TMEM50B: variants seen among roughly 807,000 people sequenced by gnomAD.
TMEM50B encodes the protein transmembrane protein 50B, also known as HCV p7-trans-regulated protein 3.
A neutral mutation model predicts 23.4 loss-of-function variants in TMEM50B; 14 were observed. The ratio of observed to expected loss-of-function variants is 0.60; its 90% CI spans 0.39 to 0.93. TMEM50B has a LOEUF of 0.93. TMEM50B is among the 40% of genes least tolerant of loss of function. The pLI, the probability that TMEM50B is intolerant of heterozygous loss-of-function variation, is 0.00. For synonymous variants in TMEM50B, 64 were observed against 62.3 expected (o/e 1.03, Z -0.13); for missense variants, 159 against 193.0 (o/e 0.82, Z 1.04).
chr21:33,436,747 TAAAAAC>T (rs2083957705), intron 8 of TMEM50B: 6 of 1,136,642 alleles, frequency 5.3e-6, no homozygotes, highest in African/African-American at 3.3e-5. Flanking sequence ...AAAAATAAAA[TAAAAAC>T]AAAAACTAAA....
chr21:33,475,554 G>T lies in TMEM50B; in HGVS notation c.-42+4284C>A, dbSNP rs962419422. On this transcript the variant is annotated intron_variant, in intron 1 of 6. Transcript: ENST00000542230. ...GTAGAGACAGGGTTTCACCATCTTG[G>T]CCAGGCTGGTCTTGAACTCCTGACC... 2.0e-5 allele frequency among the ~76,000 whole-genome samples: 3 copies of T among 152,052 alleles called. No individual in the cohort carries two copies. In the East Asian group the frequency reaches 5.9e-4, roughly 30 times the overall value.
At chr21:33,448,146 ACCACG>A (rs1381188701), downstream of TMEM50B, among the ~76,000 whole-genome samples, 1 of 151,802 alleles carries the variant, frequency 6.6e-6, no homozygotes, top group Non-Finnish European at 1.5e-5. Context: ...GGGGTGCACC[ACCACG>A]CCTGGCTAAT....
At chr21:33,440,298 A>AGAAG (rs1222653310) in intron 7 of TMEM50B, among the ~76,000 whole-genome samples, 1 of 152,118 alleles carries the variant, frequency 6.6e-6, no homozygotes, top group Non-Finnish European at 1.5e-5. Flanking sequence ...ATTAGAACCC[A>AGAAG]GAAGGTAAGC....
At chr21:33,465,241 A>G in intron 4 of TMEM50B, 101 bp downstream of exon 4, 1 of 745,592 alleles carries the variant, frequency 1.3e-6, no homozygotes, top group South Asian at 1.9e-5. Context: ...TATTCTATAT[A>G]ATCATTACCA....
chr21:33,460,609 A>C, intron 4 of TMEM50B, 104 bp from the exon 5 acceptor site: 2 of 494,442 alleles, frequency 4.0e-6, no homozygotes, highest in Non-Finnish European at 3.6e-6. Context: ...TATATTATGC[A>C]TATCAAAGAT....
chr21:33,467,466 G>GTACAAAAAT (rs1437851106), intron 2 of TMEM50B, among the ~76,000 whole-genome samples: 1 of 152,116 alleles, frequency 6.6e-6, no homozygotes, highest in Non-Finnish European at 1.5e-5. Context: ...TCTACTAAAA[G>GTACAAAAAT]TACAAAAATT....
At chr21:33,474,371 T>C (rs2084346765) in intron 1 of TMEM50B, among the ~76,000 whole-genome samples, 1 of 151,874 alleles carries the variant, frequency 6.6e-6, no homozygotes, top group Admixed American at 6.6e-5. Flanking sequence ...AAAATAATGG[T>C]ACTTCCAGGT....
chr21:33,441,249 TG>T (rs373210753), intron 7 of TMEM50B, among the ~76,000 whole-genome samples: 181 of 152,008 alleles, frequency 1.2e-3, no homozygotes, highest in Middle Eastern at 3.4e-3. Flanking sequence ...AAGGACTTCT[TG>T]GTACATAACA....
Position 33,468,958 on chromosome 21 carries a change from T to G in TMEM50B, c.-41-32A>C, listed in dbSNP as rs2084288660. 5 of 1,180,516 alleles carry G rather than the reference T, an allele frequency of 4.2e-6. No individual in the cohort carries two copies. The South Asian group carries it at 6.6e-5, about 15-fold the overall frequency. 73.1% of individuals were successfully genotyped at this position (1,180,516 alleles called of 1,614,324 possible). ...ACAGAAAGACAAAAACTAATCAACCTAAGAAAATGTTTTCTAAAAGTAAAA... is the reference window on the plus strand; with the variant it reads ...ACAGAAAGACAAAAACTAATCAACCGAAGAAAATGTTTTCTAAAAGTAAAA... On this transcript the variant is annotated intron_variant, in intron 1 of 6. Transcript: ENST00000542230.
chr21:33,456,714 T>C (rs544619931), intron 5 of TMEM50B, among the ~76,000 whole-genome samples: 1 of 152,252 alleles, frequency 6.6e-6, no homozygotes, highest in Non-Finnish European at 1.5e-5. Flanking sequence ...GCAAATTATT[T>C]AACCTCAGCA....
At chr21:33,457,014 G>C (rs143358097) in intron 5 of TMEM50B, among the ~76,000 whole-genome samples, 1,684 of 152,260 alleles carry the variant, frequency 0.011, 32 homozygotes, top group African/African-American at 0.038. Context: ...CAGCACTTTG[G>C]GGGGCCGAGG....
intron 2 of TMEM50B, among the ~76,000 whole-genome samples, chr21:33,467,691 T>C (rs1436306880): frequency 6.6e-6 from 1 of 152,142 alleles, no homozygotes; most frequent in Non-Finnish European, 1.5e-5. Flanking sequence ...TCCTAGCTAC[T>C]TGGGAGGCTG....
chr21:33,454,704 T>C (rs1467498651), intron 6 of TMEM50B, among the ~76,000 whole-genome samples: 2 of 151,824 alleles, frequency 1.3e-5, no homozygotes, highest in Non-Finnish European at 2.9e-5. Flanking sequence ...AGTGAAACAA[T>C]GGGTCTGATA....
intron 4 of TMEM50B, 166 bp downstream of exon 4, chr21:33,465,172 AACTT>A: frequency 2.0e-6 from 1 of 507,324 alleles, no homozygotes. Context: ...TTCTAGCAAT[AACTT>A]ACTTTCTTAA....
intron 5 of TMEM50B, among the ~76,000 whole-genome samples, chr21:33,457,619 C>G (rs2084181556): frequency 6.7e-6 from 1 of 148,364 alleles, no homozygotes. Context: ...CCATTGCACT[C>G]CAGCCTGGGC....
chr21:33,446,679 C>CAAAAAAAAAAAAAAAAAAA (rs1409384682), downstream of TMEM50B, among the ~76,000 whole-genome samples: 4 of 102,362 alleles, frequency 3.9e-5, no homozygotes, highest in Non-Finnish European at 5.7e-5. Context: ...AAAAAAAAAA[C>CAAAAAAAAAAAAAAAAAAA]CTCTAAGAAA....
intron 7 of TMEM50B, among the ~76,000 whole-genome samples, chr21:33,444,043 G>C (rs1013935887): frequency 1.3e-5 from 2 of 152,084 alleles, no homozygotes; most frequent in Non-Finnish European, 1.5e-5. Context: ...TGGGATTATA[G>C]GCACCTGCCA....
chr21:33,444,135 C>T (rs1568971641), intron 7 of TMEM50B, among the ~76,000 whole-genome samples: 2 of 151,832 alleles, frequency 1.3e-5, no homozygotes, highest in East Asian at 3.9e-4. Context: ...TCCTGACCTC[C>T]GGTGATCCGC....
downstream of TMEM50B, among the ~76,000 whole-genome samples, chr21:33,445,103 C>A (rs996516128): frequency 6.7e-6 from 1 of 149,370 alleles, no homozygotes; most frequent in Non-Finnish European, 1.5e-5. Flanking sequence ...AAAAAAAAAC[C>A]AGAAACTGCT....
Sources: allele counts gnomAD v4.1 joint callset (sites outside exome capture counted in the v4.1 genomes callset), GRCh38; gene constraint gnomAD v4.1.1; transcripts MANE v1.5; gene names NCBI Gene and HGNC (gene_info 2026-07-23, HGNC 2026-07-21).